The following PLCH2 variants were observed in gnomAD, a reference collection of about 807,000 sequenced individuals.
PLCH2 encodes 1-phosphatidylinositol 4,5-bisphosphate phosphodiesterase eta-2.
PLCH2 carries 98 observed loss-of-function variants against 134.7 expected under a neutral mutation model. The observed-to-expected ratio is 0.73, with a 90% CI of 0.62 to 0.86. The LOEUF is 0.86. Ranked by LOEUF, PLCH2 falls within the 40% of genes least tolerant of loss-of-function variation. PLCH2 has a pLI of 0.00. For missense variants in PLCH2, 1,994 were observed against 1,986.6 expected (o/e 1.00, Z -0.07); for synonymous variants, 974 against 827.5 (o/e 1.18, Z -3.04).
chr1:2,479,032 G>A (rs767252341), intron 2 of PLCH2: 38 of 204,786 alleles, frequency 1.9e-4, no homozygotes, highest in South Asian at 1.1e-3. Context: ...GCTGGAGGGA[G>A]CAGGGGCCAC....
At chr1:2,449,783 G>A (rs1196165466) in intron 2 of PLCH2, among the ~76,000 whole-genome samples, 2 of 152,242 alleles carry the variant, frequency 1.3e-5, no homozygotes, top group African/African-American at 4.8e-5. Context: ...CTGTGTGGCT[G>A]CCTGTAAGCT....
chr1:2,495,347 C>G, intron 12 of PLCH2, 141 bp from the exon 13 acceptor site: 1 of 678,760 alleles, frequency 1.5e-6, no homozygotes, highest in Non-Finnish European at 2.5e-6. Flanking sequence ...CTTTGGCAGG[C>G]CCAGCCAGGC....
At chr1:2,421,665 C>A (rs1570170366), upstream of PLCH2, among the ~76,000 whole-genome samples, 4 of 152,204 alleles carry the variant, frequency 2.6e-5, no homozygotes, top group East Asian at 7.7e-4. Context: ...TGAAAATATT[C>A]ATGAAGTCTT....
intron 10 of PLCH2, 111 bp from the exon 11 acceptor site, chr1:2,491,081 C>T (rs543880907): frequency 3.5e-4 from 376 of 1,080,322 alleles, no homozygotes; most frequent in Middle Eastern, 3.2e-3. Flanking sequence ...GTGAATCACA[C>T]GCCTTCCCTG....
chr1:2,496,701 G>A lies in PLCH2; in HGVS notation c.1930G>A (p.Glu644Lys), dbSNP rs753181950. ...CGTGGCCACCCACGACATAGAGATG[G>A]AGGGTGAGTGGCTCGGGGACCTGGG... Reference protein sequence around the residue: ...KSVATHDIEMEAASSWQVSSF... With the variant: ...KSVATHDIEMKAASSWQVSSF... The change falls in exon 14 of 22, where the codon GAG becomes AAG. Residue 644 changes from glutamate (E) to lysine (K), a missense_variant. Transcript: ENST00000378486. The A allele has an allele frequency of 6.2e-7, 1 of 1,611,772 alleles. No individual in the cohort carries two copies. Among genetic ancestry groups the A allele is most frequent in the Non-Finnish European group, 8.5e-7 (1 of 1,179,316 alleles).
Position 2,496,961 on chromosome 1 carries a change from C to T in PLCH2, c.2067C>T (p.Asp689=). 1 of 1,613,392 alleles carries T rather than the reference C, an allele frequency of 6.2e-7. No homozygotes were observed. The highest frequency in any genetic ancestry group is 8.5e-7 in the Non-Finnish European group (1 of 1,179,850). Residue 689 remains aspartate, a synonymous_variant, in exon 15 of 22, where the codon GAC becomes GAT. Coordinates refer to ENST00000378486, the MANE Select transcript of PLCH2 (RefSeq NM_014638.4). ...TCTACCCCTCCTCCTACCGTGTGGA[C>T]TCCAGCAACTACAACCCGCAGCCCT... ...SRIYPSSYRV[D]SSNYNPQPFW...
upstream of PLCH2, among the ~76,000 whole-genome samples, chr1:2,465,568 T>G (rs1049540735): frequency 6.6e-6 from 1 of 152,190 alleles, no homozygotes; most frequent in African/African-American, 2.4e-5. Context: ...CCTCCTCACC[T>G]GCTGCCCGCC....
At chr1:2,503,060 C>A (rs746150440) in intron 21 of PLCH2, 12 of 707,550 alleles carry the variant, frequency 1.7e-5, no homozygotes, top group African/African-American at 3.5e-5. Context: ...TGGCACTCTG[C>A]TCCCTTGGCT....
chr1:2,477,774 C>T (rs978386373), intron 1 of PLCH2, among the ~76,000 whole-genome samples: 2 of 152,214 alleles, frequency 1.3e-5, no homozygotes, highest in Non-Finnish European at 2.9e-5. Context: ...CTCCCAAGTC[C>T]ATACTGCAGT....
At chr1:2,487,468 A>G in intron 7 of PLCH2, 92 bp downstream of exon 7, 1 of 1,472,160 alleles carries the variant, frequency 6.8e-7, no homozygotes, top group Non-Finnish European at 9.3e-7. Flanking sequence ...ATCTCTGGGC[A>G]GGGGCTGGGA....
At chr1:2,417,142 C>T in the PLCH2 span, among the ~76,000 whole-genome samples, 2 of 152,128 alleles carry the variant, frequency 1.3e-5, no homozygotes, top group African/African-American at 2.4e-5. Flanking sequence ...CTCTACCTGT[C>T]GCTGGGATTG....
At chr1:2,468,171 G>A (rs190289813) in intron 1 of PLCH2, among the ~76,000 whole-genome samples, 7 of 152,348 alleles carry the variant, frequency 4.6e-5, no homozygotes, top group African/African-American at 1.4e-4. Context: ...GATCGAGGTT[G>A]GCAAAGGTGG....
chr1:2,497,713 G>T, intron 16 of PLCH2, 104 bp downstream of exon 16: 1 of 833,054 alleles, frequency 1.2e-6, no homozygotes, highest in East Asian at 2.7e-5. Context: ...CAAGGGGGTG[G>T]GGGCGGCTTT....
intron 1 of PLCH2, among the ~76,000 whole-genome samples, chr1:2,469,460 C>G (rs1641223391): frequency 6.6e-6 from 1 of 152,206 alleles, no homozygotes; most frequent in Admixed American, 6.5e-5. Flanking sequence ...TGTCCTGGGT[C>G]CAGCCCTCCA....
intron 2 of PLCH2, among the ~76,000 whole-genome samples, chr1:2,435,001 G>A (rs936802051): frequency 1.3e-5 from 2 of 152,182 alleles, no homozygotes; most frequent in Admixed American, 6.5e-5. Flanking sequence ...TGAGAAGTCC[G>A]TGGCCTGCGA....
upstream of PLCH2, among the ~76,000 whole-genome samples, chr1:2,466,852 G>C (rs984115778): frequency 4.6e-5 from 7 of 152,210 alleles, no homozygotes; most frequent in African/African-American, 1.7e-4. Context: ...GCAGGGAGGC[G>C]AGGGGCTGGG....
At chr1:2,495,462 A>G (rs1642832300) in intron 12 of PLCH2, 26 bp from the exon 13 acceptor site, 6 of 1,546,882 alleles carry the variant, frequency 3.9e-6, no homozygotes, top group Non-Finnish European at 5.2e-6. Flanking sequence ...GAGGCCCTAC[A>G]GCTCACACCT....
At chr1:2,485,123 G>C (rs1015429353) in intron 5 of PLCH2, among the ~76,000 whole-genome samples, 3 of 152,180 alleles carry the variant, frequency 2.0e-5, no homozygotes, top group Non-Finnish European at 4.4e-5. Context: ...TTGTCCAGCA[G>C]ACACTCAGAT....
the PLCH2 span, among the ~76,000 whole-genome samples, chr1:2,419,619 C>CA: frequency 6.6e-6 from 1 of 152,228 alleles, no homozygotes; most frequent in African/African-American, 2.4e-5. Flanking sequence ...TCTACCACCC[C>CA]ACCACCTCAC....
Sources: gnomAD v4.1 joint callset for allele counts (sites outside exome capture counted in the v4.1 genomes callset) on GRCh38, gnomAD v4.1.1 for gene constraint, MANE v1.5 for transcripts, NCBI Gene and HGNC (gene_info 2026-07-23, HGNC 2026-07-21) for gene names.